Variants in DNAH1 observed in about 807,000 individuals in gnomAD.
DNAH1 encodes the protein dynein axonemal heavy chain 1, also known as axonemal beta dynein heavy chain 1.
Under a neutral mutation model 484.3 loss-of-function variants are expected in DNAH1, and 327 were observed. That is an observed-to-expected ratio of 0.68 (90% CI 0.62 to 0.74). DNAH1 has a LOEUF of 0.74. DNAH1 is among the 30% of genes least tolerant of loss of function. The pLI, the probability that DNAH1 is intolerant of heterozygous loss-of-function variation, is 0.00. For missense variants in DNAH1, 5,052 were observed against 5,546.8 expected, an observed-to-expected ratio of 0.91 and a Z score of 2.83; for synonymous variants, 2,192 against 2,191.9, an observed-to-expected ratio of 1.00 and a Z score of 0.00.
At position 52,398,749 on chromosome 3, in the gene DNAH1, GT is replaced by G. The variant is rs966410675; in HGVS notation, c.12090-97del. The G allele has an allele frequency of 5.7e-6, 6 of 1,050,176 alleles. No individual in the cohort carries two copies. In the African/African-American group the frequency reaches 8.1e-5, roughly 14 times the overall value. 65.1% of individuals were successfully genotyped at this position (1,050,176 alleles called of 1,614,324 possible). On this transcript the variant is annotated intron_variant, in intron 75 of 77. Transcript: ENST00000420323. ...CCAGCTCTCTGCTCTTAGCCTCTATGTTTTGCCATTGTTTTTCACTCTGTGG... is the reference window on the plus strand; with the variant it reads ...CCAGCTCTCTGCTCTTAGCCTCTATGTTTGCCATTGTTTTTCACTCTGTGG...
rs535160318 is a variant in DNAH1, at chr3:52,353,650, G to A, written c.3480+17G>A. 44 of 1,563,476 alleles carry A rather than the reference G, an allele frequency of 2.8e-5. No homozygotes were observed. The South Asian group carries it at 3.2e-4, about 11-fold the overall frequency. On this transcript the variant is annotated intron_variant, in intron 20 of 77. Transcript: ENST00000420323. The surrounding 1 kb of genome is among the most constrained non-coding windows in gnomAD (Gnocchi z 5.0). ...ATCGAGCAGGTGGGTAGCCACCAGC[G>A]GGCCCAGCCACTCCAGCCAGGCCCT... is the stretch of plus-strand genomic sequence containing the variant.
At chr3:52,375,859 C>G (rs1703570194) in intron 45 of DNAH1, 96 bp from the exon 46 acceptor site, 2 of 1,427,622 alleles carry the variant, frequency 1.4e-6, no homozygotes, top group South Asian at 2.4e-5. Flanking sequence ...AAAGCTTACC[C>G]CAAGATGCTG....
intron 5 of DNAH1, among the ~76,000 whole-genome samples, chr3:52,327,649 C>T (rs73091126): frequency 3.9e-5 from 6 of 152,292 alleles, no homozygotes; most frequent in Non-Finnish European, 7.4e-5. Context: ...TCCAGGGTTT[C>T]ACCCAACCAG....
intron 8 of DNAH1, among the ~76,000 whole-genome samples, chr3:52,339,956 C>T (rs1701874943): frequency 6.6e-6 from 1 of 152,180 alleles, no homozygotes; most frequent in African/African-American, 2.4e-5. Flanking sequence ...CCCTTTCCTT[C>T]TGCCTCCTGT....
At chr3:52,330,233 A>G (rs933722937) in intron 6 of DNAH1, among the ~76,000 whole-genome samples, 1 of 152,156 alleles carries the variant, frequency 6.6e-6, no homozygotes, top group Admixed American at 6.5e-5. Context: ...AGGCCCAGGG[A>G]CACAGCTGTG....
chr3:52,382,691 G>A (rs1022578475), intron 50 of DNAH1, among the ~76,000 whole-genome samples: 3 of 152,216 alleles, frequency 2.0e-5, no homozygotes, highest in Non-Finnish European at 1.5e-5. Context: ...CGAAGGTAAA[G>A]AAGGCCCTGG....
chr3:52,326,014 G>A (rs1206282636), intron 3 of DNAH1, 126 bp from the exon 4 acceptor site: 1 of 982,970 alleles, frequency 1.0e-6, no homozygotes. Flanking sequence ...CCCAGCCACA[G>A]GCAAGCTTTG....
At chr3:52,325,297 G>A (rs1273058703) in intron 3 of DNAH1, among the ~76,000 whole-genome samples, 1 of 152,144 alleles carries the variant, frequency 6.6e-6, no homozygotes, top group African/African-American at 2.4e-5. Flanking sequence ...TTGGTCCCAG[G>A]GAGGCAGTAA....
intron 55 of DNAH1, 112 bp downstream of exon 55, chr3:52,386,457 C>A: frequency 1.4e-6 from 2 of 1,405,346 alleles, no homozygotes; most frequent in Non-Finnish European, 9.4e-7. Context: ...TCATTCCAGC[C>A]CCCAGGGCCC....
At chr3:52,375,877 C>A in intron 45 of DNAH1, 78 bp from the exon 46 acceptor site, 2 of 1,540,306 alleles carry the variant, frequency 1.3e-6, no homozygotes, top group Non-Finnish European at 1.8e-6. Context: ...CTGTTTCCCC[C>A]ACCATCTCAC....
intron 44 of DNAH1, chr3:52,373,705 G>T: frequency 7.3e-7 from 1 of 1,365,574 alleles, no homozygotes. Flanking sequence ...TTATGTCAGT[G>T]TTGCGTCCTT....
chr3:52,329,336 G>A (rs1017390849), intron 6 of DNAH1, among the ~76,000 whole-genome samples: 7 of 152,128 alleles, frequency 4.6e-5, no homozygotes, highest in African/African-American at 7.2e-5. Flanking sequence ...GAGTTGAGCC[G>A]AGACAAGGCC....
At chr3:52,351,800 C>T (rs1028761262) in intron 16 of DNAH1, among the ~76,000 whole-genome samples, 162 bp from the exon 17 acceptor site, 3 of 152,222 alleles carry the variant, frequency 2.0e-5, no homozygotes, top group Non-Finnish European at 4.4e-5. Context: ...ACCTGTACTT[C>T]GCAGCTGTCT....
rs776392141 is a variant in DNAH1 at position 52,370,649 on chromosome 3, G to A, written c.6417+14G>A. The A allele has an allele frequency of 6.2e-7, 1 of 1,606,010 alleles. No homozygotes were observed. The highest frequency in any genetic ancestry group is 1.1e-5 in the South Asian group (1 of 89,668). ...GAGAACGAACAGGTGAGAGCCGGCG[G>A]CCCCCAGGGACCAGGAGCCTCAGTC... is the stretch of plus-strand genomic sequence containing the variant. On this transcript the variant is annotated intron_variant, in intron 40 of 77. Transcript: ENST00000420323.
chr3:52,375,894 A>G (rs1024854549), intron 45 of DNAH1, 61 bp from the exon 46 acceptor site: 14 of 1,595,250 alleles, frequency 8.8e-6, no homozygotes, highest in Non-Finnish European at 1.2e-5. Flanking sequence ...TCACCTGGCC[A>G]GGGTGAGCAG....
Position 52,394,479 on chromosome 3 carries a change from C to T in DNAH1, c.10641C>T (p.Tyr3547=), listed in dbSNP as rs1245365977. 6.2e-7 allele frequency: 1 copy of T among 1,614,000 alleles called. No individual in the cohort carries two copies. The highest frequency in any genetic ancestry group is 1.1e-5 in the South Asian group (1 of 91,088). Residue 3547 remains tyrosine (Y), a synonymous_variant, in exon 67 of 78, where the codon TAC becomes TAT. Transcript: ENST00000420323. Reference sequence around the variant, plus strand: ...TCCCCTGCCAGAGTGAGTGGCGATACCTCCTGTCTGGGGGCTCCATCTCGA... The same window carrying T: ...TCCCCTGCCAGAGTGAGTGGCGATATCTCCTGTCTGGGGGCTCCATCTCGA... The part of the protein sequence containing the change: ...EGKINQSEWR[Y]LLSGGSISIM...
rs771152144 is a variant in DNAH1 at position 52,353,344 on chromosome 3, C to T, written c.3227-36C>T. The T allele has an allele frequency of 3.7e-6, 6 of 1,608,026 alleles. No homozygotes were observed. In the African/African-American group the frequency reaches 4.0e-5, roughly 11 times the overall value. ...CCAATCCCCTCCTCCCTGCCTCTGCCGCCTGCCTCTCATGCGTTTCTGTCT... is the reference window on the plus strand; with the variant it reads ...CCAATCCCCTCCTCCCTGCCTCTGCTGCCTGCCTCTCATGCGTTTCTGTCT... On this transcript the variant is annotated intron_variant, in intron 19 of 77. Transcript: ENST00000420323. The surrounding 1 kb of genome is among the most constrained non-coding windows in gnomAD (Gnocchi z 5.0).
At chr3:52,347,328 CAGGG>C (rs1381794891) in intron 11 of DNAH1, among the ~76,000 whole-genome samples, 1 of 151,974 alleles carries the variant, frequency 6.6e-6, no homozygotes, top group Non-Finnish European at 1.5e-5. Flanking sequence ...TGGCTGGAGT[CAGGG>C]AGGGGAGGGA....
intron 7 of DNAH1, among the ~76,000 whole-genome samples, chr3:52,331,827 C>T (rs972217628): frequency 2.6e-5 from 4 of 151,910 alleles, no homozygotes; most frequent in Admixed American, 6.6e-5. Flanking sequence ...GGTTTTACCA[C>T]GGTGGCCAGG....
Sources: gnomAD v4.1 joint callset for allele counts (sites outside exome capture counted in the v4.1 genomes callset) on GRCh38, gnomAD v4.1.1 for gene constraint, Gnocchi (gnomAD v3.1) non-coding constraint, MANE v1.5 for transcripts, NCBI Gene and HGNC (gene_info 2026-07-23, HGNC 2026-07-21) for gene names.